The following CEP128 variants were observed in gnomAD, a reference collection of about 807,000 sequenced individuals.
The protein encoded by CEP128 is centrosomal protein 128kDa.
CEP128 carries 132 observed loss-of-function variants against 156.7 expected under a neutral mutation model. The ratio of observed to expected loss-of-function variants is 0.84; its 90% CI spans 0.73 to 0.97. CEP128 has a LOEUF of 0.97. Among genes scored for constraint, CEP128 ranks in the 50% least tolerant of loss-of-function variants. The pLI, the probability that CEP128 is intolerant of heterozygous loss-of-function variation, is 0.00. For synonymous variants in CEP128, 469 were observed against 448.9 expected (o/e 1.04, Z -0.57); for missense variants, 1,252 against 1,281.9 (o/e 0.98, Z 0.36).
intron 19 of CEP128, among the ~76,000 whole-genome samples, chr14:80,701,536 C>G (rs1897074857): frequency 6.6e-6 from 1 of 152,154 alleles, no homozygotes; most frequent in Non-Finnish European, 1.5e-5. Flanking sequence ...AATCTTCTCT[C>G]CTGCCTCAAA....
At chr14:80,860,230 C>T (rs1182157126) in intron 9 of CEP128, among the ~76,000 whole-genome samples, 1 of 152,196 alleles carries the variant, frequency 6.6e-6, no homozygotes, top group Non-Finnish European at 1.5e-5. Flanking sequence ...CTAGCTTCCA[C>T]TACTCTGTTT....
At chr14:80,799,523 C>A (rs757663077) in intron 13 of CEP128, among the ~76,000 whole-genome samples, 9 of 152,024 alleles carry the variant, frequency 5.9e-5, no homozygotes, top group Non-Finnish European at 1.2e-4. Context: ...CAGGGTTGGG[C>A]AAAGAGCCAT....
intron 19 of CEP128, among the ~76,000 whole-genome samples, chr14:80,627,824 T>C (rs947078645): frequency 6.6e-6 from 1 of 151,626 alleles, no homozygotes; most frequent in Middle Eastern, 3.2e-3. Flanking sequence ...GTCTGCTCAC[T>C]GAGGTTTTTG....
chr14:80,582,451 C>T (rs1056620152), intron 19 of CEP128, among the ~76,000 whole-genome samples: 9 of 152,134 alleles, frequency 5.9e-5, no homozygotes, highest in South Asian at 2.1e-4. Context: ...CTGGATGGGA[C>T]GAGATATAGG....
intron 19 of CEP128, among the ~76,000 whole-genome samples, chr14:80,678,072 A>ATGTG (rs1896162663): frequency 6.7e-6 from 1 of 149,134 alleles, no homozygotes; most frequent in African/African-American, 2.5e-5. Flanking sequence ...ATGTATATAT[A>ATGTG]TATATGCTCA....
At chr14:80,629,864 A>G (rs961291421) in intron 19 of CEP128, among the ~76,000 whole-genome samples, 1 of 151,990 alleles carries the variant, frequency 6.6e-6, no homozygotes, top group Non-Finnish European at 1.5e-5. Flanking sequence ...CCTGGTAACA[A>G]AACATTTTGA....
At chr14:80,878,897 T>G (rs1888404364) in intron 8 of CEP128, among the ~76,000 whole-genome samples, 1 of 152,218 alleles carries the variant, frequency 6.6e-6, no homozygotes, top group African/African-American at 2.4e-5. Context: ...CCAGTGCCAC[T>G]GTAGCTGCCT....
In CEP128 at chr14:80,940,633, C is replaced by T. The variant is rs529200968; in HGVS notation, c.-172+948G>A. On this transcript the variant is annotated intron_variant, in intron 1 of 24. Coordinates refer to ENST00000555265, the MANE Select transcript of CEP128 (RefSeq NM_152446.5). Reference sequence around the variant, plus strand: ...GGTGGAGGTTGCAGTGAGCCCAGACCGCGCCACTGCAGTCCAGCCTGGGCG... The same window carrying T: ...GGTGGAGGTTGCAGTGAGCCCAGACTGCGCCACTGCAGTCCAGCCTGGGCG... Among the ~76,000 whole-genome samples, 3 of 150,954 alleles carry T rather than the reference C, an allele frequency of 2.0e-5. No homozygotes were observed. In the East Asian group the frequency reaches 5.8e-4, roughly 29 times the overall value.
chr14:80,502,125 G>C (rs1417139877), intron 24 of CEP128, among the ~76,000 whole-genome samples: 1 of 152,194 alleles, frequency 6.6e-6, no homozygotes, highest in African/African-American at 2.4e-5. Context: ...TGTTTTGCAA[G>C]GAGCAGGACC....
At chr14:80,636,091 A>G (rs1894169947) in intron 19 of CEP128, among the ~76,000 whole-genome samples, 1 of 152,190 alleles carries the variant, frequency 6.6e-6, no homozygotes, top group African/African-American at 2.4e-5. Context: ...ACTCAAGTGT[A>G]CTTATTGCTA....
At chr14:80,645,006 C>A (rs922951324) in intron 19 of CEP128, among the ~76,000 whole-genome samples, 1 of 152,028 alleles carries the variant, frequency 6.6e-6, no homozygotes, top group Admixed American at 6.5e-5. Context: ...AGACTACAAA[C>A]GTTGATAAAT....
Position 80,519,857 on chromosome 14 carries a change from G to C in CEP128, c.3072+7012C>G, listed in dbSNP as rs138978195. ...TCTACACTAAAGAACTCAATAAATG[G>C]TCATATGATGATCATTTCTTGACCA... is the stretch of plus-strand genomic sequence containing the variant. On this transcript the variant is annotated intron_variant, in intron 23 of 24. Coordinates refer to ENST00000555265, the MANE Select transcript of CEP128 (RefSeq NM_152446.5). 2.6e-3 allele frequency among the ~76,000 whole-genome samples: 392 copies of C among 152,136 alleles called. 3 individuals carry two copies. The highest frequency in any genetic ancestry group is 8.8e-3 in the African/African-American group (366 of 41,496).
intron 9 of CEP128, among the ~76,000 whole-genome samples, chr14:80,844,609 C>A (rs1364449955): frequency 3.3e-5 from 5 of 152,002 alleles, no homozygotes; most frequent in African/African-American, 4.8e-5. Flanking sequence ...TCCAATATCA[C>A]GTAGTTAAGT....
chr14:80,789,949 T>C (rs1342645749), intron 14 of CEP128, among the ~76,000 whole-genome samples: 1 of 152,074 alleles, frequency 6.6e-6, no homozygotes, highest in Admixed American at 6.6e-5. Context: ...TACTAATACA[T>C]ACTCTAGCAT....
intron 20 of CEP128, among the ~76,000 whole-genome samples, chr14:80,571,625 C>T (rs1378530177): frequency 6.6e-6 from 1 of 152,056 alleles, no homozygotes; most frequent in Non-Finnish European, 1.5e-5. Flanking sequence ...ATTTTTGCAG[C>T]TCATTTTAGT....
intron 13 of CEP128, among the ~76,000 whole-genome samples, chr14:80,799,620 T>C: frequency 6.6e-6 from 1 of 152,050 alleles, no homozygotes; most frequent in East Asian, 1.9e-4. Flanking sequence ...AATATTAATA[T>C]TAATACCCTG....
At chr14:80,506,200 G>A (rs1172044945) in intron 23 of CEP128, among the ~76,000 whole-genome samples, 1 of 152,068 alleles carries the variant, frequency 6.6e-6, no homozygotes, top group Non-Finnish European at 1.5e-5. Flanking sequence ...TGATGTTCCA[G>A]ACTCAAGTAA....
At chr14:80,615,540 C>A (rs958264405) in intron 19 of CEP128, among the ~76,000 whole-genome samples, 10 of 152,126 alleles carry the variant, frequency 6.6e-5, no homozygotes, top group African/African-American at 2.2e-4. Flanking sequence ...CCAGAGGGGG[C>A]AGGGAAAAGG....
chr14:80,746,574 A>G (rs1225695880), intron 18 of CEP128, among the ~76,000 whole-genome samples: 1 of 152,214 alleles, frequency 6.6e-6, no homozygotes, highest in East Asian at 1.9e-4. Context: ...TTCACACCAT[A>G]TACAAAAACT....
Sources: allele counts gnomAD v4.1 joint callset (sites outside exome capture counted in the v4.1 genomes callset), GRCh38; gene constraint gnomAD v4.1.1; transcripts MANE v1.5; gene names NCBI Gene and HGNC (gene_info 2026-07-23, HGNC 2026-07-21).